The following CNTNAP5 variants were observed in gnomAD, a reference collection of about 807,000 sequenced individuals.
CNTNAP5 encodes the protein contactin-associated protein-like 5.
In CNTNAP5, 72 loss-of-function variants were observed where a neutral mutation model predicts 150.2. The ratio of observed to expected loss-of-function variants is 0.48; its 90% CI spans 0.40 to 0.58. CNTNAP5 has a LOEUF of 0.58. Ranked by LOEUF, CNTNAP5 falls within the 20% of genes least tolerant of loss-of-function variation. The probability of loss-of-function intolerance (pLI) is 0.00; values close to 1 mark genes in which losing one functional copy is unlikely to be tolerated. For synonymous variants in CNTNAP5, 672 were observed against 619.8 expected (o/e 1.08, Z -1.25); for missense variants, 1,636 against 1,626.2 (o/e 1.01, Z -0.10).
At chr2:124,651,177 C>T (rs950481071) in intron 13 of CNTNAP5, among the ~76,000 whole-genome samples, 12 of 152,148 alleles carry the variant, frequency 7.9e-5, no homozygotes, top group Admixed American at 2.6e-4. Context: ...TTTTTAAAAG[C>T]GTGCAGGCTG....
intron 3 of CNTNAP5, among the ~76,000 whole-genome samples, chr2:124,316,940 GTA>G (rs1688982171): frequency 6.6e-6 from 1 of 151,664 alleles, no homozygotes; most frequent in South Asian, 2.1e-4. Context: ...AAAAAAAACT[GTA>G]TGAGGTAGGT....
intron 17 of CNTNAP5, among the ~76,000 whole-genome samples, chr2:124,787,020 C>A (rs1294996228): frequency 6.6e-6 from 1 of 152,158 alleles, no homozygotes; most frequent in Non-Finnish European, 1.5e-5. Flanking sequence ...GTCACTATCA[C>A]CAGGTTCTGT....
chr2:124,733,111 TG>T (rs1271447499), intron 13 of CNTNAP5, among the ~76,000 whole-genome samples: 1 of 151,962 alleles, frequency 6.6e-6, no homozygotes, highest in Non-Finnish European at 1.5e-5. Context: ...TAGGAGCTTT[TG>T]GGGGAAATGT....
intron 3 of CNTNAP5, among the ~76,000 whole-genome samples, chr2:124,336,984 C>A (rs1384145939): frequency 1.3e-5 from 2 of 152,130 alleles, no homozygotes; most frequent in Admixed American, 1.3e-4. Context: ...AGTTTACAGT[C>A]CCACCAACAG....
chr2:124,723,811 C>T (rs1680097030), intron 13 of CNTNAP5, among the ~76,000 whole-genome samples: 2 of 151,994 alleles, frequency 1.3e-5, no homozygotes, highest in African/African-American at 2.4e-5. Context: ...GATTTGAACC[C>T]GCCCAAACAG....
intron 3 of CNTNAP5, among the ~76,000 whole-genome samples, chr2:124,347,229 G>T (rs1689758332): frequency 6.6e-6 from 1 of 152,176 alleles, no homozygotes; most frequent in South Asian, 2.1e-4. Context: ...TTAACTGCCT[G>T]GTCCTGAGGC....
chr2:124,074,519 G>A (rs1682390135), intron 1 of CNTNAP5, among the ~76,000 whole-genome samples: 1 of 152,098 alleles, frequency 6.6e-6, no homozygotes, highest in African/African-American at 2.4e-5. Context: ...AAGGGAGCAA[G>A]TGAGAACAAG....
chr2:124,787,987 C>T (rs1202384784), intron 17 of CNTNAP5, among the ~76,000 whole-genome samples: 1 of 152,180 alleles, frequency 6.6e-6, no homozygotes, highest in Non-Finnish European at 1.5e-5. Context: ...TTGGTATTTT[C>T]CCTTCCACCT....
At chr2:124,574,392 AC>A (rs1196902875) in intron 11 of CNTNAP5, among the ~76,000 whole-genome samples, 1 of 152,188 alleles carries the variant, frequency 6.6e-6, no homozygotes, top group African/African-American at 2.4e-5. Flanking sequence ...ATATAATCTC[AC>A]TCAATAGTTT....
At chr2:124,844,467 T>C (rs1683005865) in intron 19 of CNTNAP5, among the ~76,000 whole-genome samples, 1 of 152,160 alleles carries the variant, frequency 6.6e-6, no homozygotes, top group Admixed American at 6.6e-5. Context: ...ATTTGTTCTT[T>C]TTGCTTAGTC....
intron 11 of CNTNAP5, among the ~76,000 whole-genome samples, chr2:124,563,898 T>A (rs925119352): frequency 2.6e-5 from 4 of 152,180 alleles, no homozygotes; most frequent in African/African-American, 9.7e-5. Flanking sequence ...TAGCAAACAT[T>A]ACTTCCACTC....
chr2:124,513,735 G>C (rs939505023), intron 8 of CNTNAP5, among the ~76,000 whole-genome samples: 1 of 152,180 alleles, frequency 6.6e-6, no homozygotes, highest in African/African-American at 2.4e-5. Flanking sequence ...ATACTCAGGG[G>C]GGAGTACTAA....
intron 11 of CNTNAP5, among the ~76,000 whole-genome samples, chr2:124,580,277 A>G (rs1253331804): frequency 6.6e-6 from 1 of 152,240 alleles, no homozygotes; most frequent in Non-Finnish European, 1.5e-5. Flanking sequence ...CTCTTTACAT[A>G]TTTTAAGTTC....
At chr2:124,030,235 T>C (rs1236200002) in intron 1 of CNTNAP5, among the ~76,000 whole-genome samples, 1 of 152,168 alleles carries the variant, frequency 6.6e-6, no homozygotes. Context: ...TCTAACATTG[T>C]AAAGCAATTA....
chr2:124,117,075 A>G (rs1473139605), intron 1 of CNTNAP5, among the ~76,000 whole-genome samples: 1 of 152,230 alleles, frequency 6.6e-6, no homozygotes. Context: ...AGAGTAGCAC[A>G]CACTGATATT....
intron 4 of CNTNAP5, among the ~76,000 whole-genome samples, chr2:124,432,509 TGTGA>T (rs1238924843): frequency 2.0e-5 from 3 of 152,326 alleles, no homozygotes; most frequent in Admixed American, 2.0e-4. Flanking sequence ...TTAGCATTAC[TGTGA>T]GTATTAATGT....
intron 1 of CNTNAP5, among the ~76,000 whole-genome samples, chr2:124,168,121 C>G (rs975780026): frequency 6.6e-6 from 1 of 152,126 alleles, no homozygotes; most frequent in Non-Finnish European, 1.5e-5. Flanking sequence ...TATTAGTTAA[C>G]GTGATAAATG....
chr2:124,512,397 A>G (rs1426781477), intron 8 of CNTNAP5, among the ~76,000 whole-genome samples: 1 of 152,152 alleles, frequency 6.6e-6, no homozygotes, highest in Non-Finnish European at 1.5e-5. Context: ...GGGAGAATCC[A>G]AACTAAGAGA....
Position 124,419,152 on chromosome 2 carries a change from A to AAAAAAACAAAAAAC in CNTNAP5, c.529+1568_529+1569insCAAAAAACAAAAAA, listed in dbSNP as rs1692013563. Among the ~76,000 whole-genome samples, 6 of 121,024 alleles carry AAAAAAACAAAAAAC rather than the reference A, an allele frequency of 5.0e-5. 1 individual carries two copies. The highest frequency in any genetic ancestry group is 9.1e-5 in the Non-Finnish European group (5 of 54,880). The allele number at this position is 121,024 out of a possible 152,430, so 79.4% of individuals were successfully genotyped here. A position where few individuals can be genotyped will look rare whatever the true frequency, so the allele number is the denominator to read the frequency against. On this transcript the variant is annotated intron_variant, in intron 4 of 23. Coordinates refer to ENST00000682447, the MANE Select transcript of CNTNAP5 (RefSeq NM_001367498.1). ...CGAGACTCCTTCTCAAAAAAAAAAAAAAAAAAAAAAACAGTATGAAGCTTT... is the reference window on the plus strand; with the variant it reads ...CGAGACTCCTTCTCAAAAAAAAAAAAAAAAAACAAAAAACAAAAAAAAAAACAGTATGAAGCTTT...
Sources: allele counts gnomAD v4.1 joint callset (sites outside exome capture counted in the v4.1 genomes callset), GRCh38; gene constraint gnomAD v4.1.1; transcripts MANE v1.5; gene names NCBI Gene and HGNC (gene_info 2026-07-23, HGNC 2026-07-21).